Variants in AGBL4 observed in about 807,000 individuals in gnomAD.
The protein encoded by AGBL4 is cytosolic carboxypeptidase 6.
AGBL4 carries 58 observed loss-of-function variants against 66.4 expected under a neutral mutation model. The observed-to-expected ratio is 0.87, with a 90% CI of 0.71 to 1.09. AGBL4 has a LOEUF of 1.09. Among genes scored for constraint, AGBL4 ranks in the 50% least tolerant of loss-of-function variants. The pLI, the probability that AGBL4 is intolerant of heterozygous loss-of-function variation, is 0.00. For missense variants in AGBL4, 579 were observed against 631.0 expected (o/e 0.92, Z 0.88); for synonymous variants, 234 against 222.9 (o/e 1.05, Z -0.44).
intron 2 of AGBL4, among the ~76,000 whole-genome samples, chr1:49,770,118 G>C (rs1000147429): frequency 2.4e-4 from 36 of 152,088 alleles, no homozygotes; most frequent in African/African-American, 8.0e-4. Flanking sequence ...GGCGGATCAC[G>C]AGGTCAGGAG....
At chr1:49,378,463 C>G (rs182693548) in intron 3 of AGBL4, among the ~76,000 whole-genome samples, 1 of 151,682 alleles carries the variant, frequency 6.6e-6, no homozygotes, top group Non-Finnish European at 1.5e-5. Flanking sequence ...GAATAGTATC[C>G]GAGGAGAGAG....
intron 6 of AGBL4, among the ~76,000 whole-genome samples, chr1:48,693,023 G>C (rs1646657913): frequency 6.6e-6 from 1 of 152,206 alleles, no homozygotes; most frequent in South Asian, 2.1e-4. Flanking sequence ...GTTGGTAAAA[G>C]AAAGATGCAG....
At chr1:49,407,495 C>G (rs1329024950) in intron 3 of AGBL4, among the ~76,000 whole-genome samples, 6 of 152,152 alleles carry the variant, frequency 3.9e-5, no homozygotes, top group Admixed American at 3.9e-4. Context: ...CATAATAAAT[C>G]TCTTTCTATA....
intron 3 of AGBL4, among the ~76,000 whole-genome samples, chr1:49,598,370 T>A (rs1644889372): frequency 6.6e-6 from 1 of 152,214 alleles, no homozygotes; most frequent in Admixed American, 6.5e-5. Flanking sequence ...TCTTTGATGA[T>A]GGTGATGTAC....
intron 2 of AGBL4, among the ~76,000 whole-genome samples, chr1:49,835,000 T>C (rs755274796): frequency 5.3e-5 from 8 of 152,210 alleles, no homozygotes; most frequent in Non-Finnish European, 7.3e-5. Context: ...AATTATGTGG[T>C]CAATTTTATA....
At chr1:48,754,204 A>G (rs1043259635) in intron 6 of AGBL4, among the ~76,000 whole-genome samples, 1 of 152,170 alleles carries the variant, frequency 6.6e-6, no homozygotes, top group Non-Finnish European at 1.5e-5. Context: ...CTGAGGAGAA[A>G]CCAAGAGAGA....
At chr1:48,806,652 AT>A (rs1449859395) in intron 6 of AGBL4, among the ~76,000 whole-genome samples, 1 of 152,182 alleles carries the variant, frequency 6.6e-6, no homozygotes, top group South Asian at 2.1e-4. Flanking sequence ...CTCTTGAGGG[AT>A]TAGCCTGGGG....
chr1:49,551,796 C>T (rs1412676416), intron 3 of AGBL4, among the ~76,000 whole-genome samples: 1 of 152,148 alleles, frequency 6.6e-6, no homozygotes, highest in Non-Finnish European at 1.5e-5. Flanking sequence ...TAGTGCTGTC[C>T]AGAGAGCATC....
At chr1:49,284,391 A>G (rs1050174302) in intron 3 of AGBL4, among the ~76,000 whole-genome samples, 1 of 152,190 alleles carries the variant, frequency 6.6e-6, no homozygotes, top group Admixed American at 6.5e-5. Flanking sequence ...AGGGAAAGGA[A>G]CAACCGGTAC....
At chr1:48,754,565 G>T (rs1239462658) in intron 6 of AGBL4, among the ~76,000 whole-genome samples, 2 of 152,078 alleles carry the variant, frequency 1.3e-5, no homozygotes, top group Non-Finnish European at 2.9e-5. Flanking sequence ...GGGGGAGGAG[G>T]GGCAGGAAAG....
chr1:49,418,719 G>T (rs1039769610), intron 3 of AGBL4, among the ~76,000 whole-genome samples: 2 of 152,190 alleles, frequency 1.3e-5, no homozygotes, highest in South Asian at 2.1e-4. Flanking sequence ...CTGAAAGAAG[G>T]CTAGTGCCAC....
At chr1:48,659,877 G>A (rs1005145117) in intron 7 of AGBL4, among the ~76,000 whole-genome samples, 2 of 152,242 alleles carry the variant, frequency 1.3e-5, no homozygotes, top group Admixed American at 1.3e-4. Context: ...CTAAATGCTC[G>A]ATGGATATGA....
chr1:49,109,668 T>C (rs1049609549), intron 4 of AGBL4, among the ~76,000 whole-genome samples: 4 of 152,230 alleles, frequency 2.6e-5, no homozygotes, highest in African/African-American at 9.6e-5. Flanking sequence ...TAGTATTTTC[T>C]AGGTGCCAGC....
chr1:49,406,227 G>A (rs1402978487), intron 3 of AGBL4, among the ~76,000 whole-genome samples: 1 of 152,150 alleles, frequency 6.6e-6, no homozygotes, highest in African/African-American at 2.4e-5. Flanking sequence ...TTATTTTGTA[G>A]TGACTCTTAA....
At chr1:49,938,355 T>C (rs1332757296) in intron 1 of AGBL4, among the ~76,000 whole-genome samples, 4 of 152,128 alleles carry the variant, frequency 2.6e-5, no homozygotes, top group African/African-American at 9.7e-5. Context: ...CAATAATCAA[T>C]AGCTTACCAA....
intron 3 of AGBL4, among the ~76,000 whole-genome samples, chr1:49,309,751 C>A (rs1393166972): frequency 6.6e-6 from 1 of 151,824 alleles, no homozygotes; most frequent in African/African-American, 2.4e-5. Context: ...ATTAGATAAC[C>A]CCTAAGTGAC....
chr1:49,859,099 C>G (rs1176443119), intron 1 of AGBL4, among the ~76,000 whole-genome samples: 1 of 152,024 alleles, frequency 6.6e-6, no homozygotes, highest in Non-Finnish European at 1.5e-5. Context: ...TTTAACCCTT[C>G]AATACGACTA....
chr1:49,765,162 C>T (rs1262784110), intron 2 of AGBL4, among the ~76,000 whole-genome samples: 21 of 152,098 alleles, frequency 1.4e-4, no homozygotes, highest in Admixed American at 1.4e-3. Flanking sequence ...CTCAGAGCTC[C>T]AGCCATTCCA....
At chr1:49,026,514 G>C (rs1366825125) in intron 5 of AGBL4, among the ~76,000 whole-genome samples, 1 of 152,138 alleles carries the variant, frequency 6.6e-6, no homozygotes, top group Non-Finnish European at 1.5e-5. Flanking sequence ...ATAATTTTTA[G>C]AGAAAGGGCA....
Sources: allele counts gnomAD v4.1 joint callset (sites outside exome capture counted in the v4.1 genomes callset), GRCh38; gene constraint gnomAD v4.1.1; transcripts MANE v1.5; gene names NCBI Gene and HGNC (gene_info 2026-07-23, HGNC 2026-07-21).